Variants in DAB1 observed in about 807,000 individuals in gnomAD.
The protein encoded by DAB1 is disabled homolog 1.
Under a neutral mutation model 64.6 loss-of-function variants are expected in DAB1, and 15 were observed. That is an observed-to-expected ratio of 0.23 (90% CI 0.16 to 0.36). DAB1 has a LOEUF of 0.36. DAB1 is among the 10% of genes least tolerant of loss of function. DAB1 has a pLI of 1.00. For missense variants in DAB1, 596 were observed against 706.7 expected (o/e 0.84, Z 1.78); for synonymous variants, 235 against 251.9 (o/e 0.93, Z 0.64).
intron 4 of DAB1, among the ~76,000 whole-genome samples, chr1:58,194,177 C>T (rs1254252727): frequency 6.6e-6 from 1 of 152,136 alleles, no homozygotes; most frequent in Non-Finnish European, 1.5e-5. Flanking sequence ...AGACAGTATT[C>T]CGGTTAAGGG....
At chr1:57,878,778 C>T (rs1457399325) in intron 1 of DAB1, 1 of 152,044 alleles carries the variant, frequency 6.6e-6, no homozygotes, top group African/African-American at 2.4e-5. Context: ...CTTTTTTCTC[C>T]TATCTAGCTG....
chr1:58,384,341 T>A (rs112086589), intron 3 of DAB1, among the ~76,000 whole-genome samples: 151 of 152,326 alleles, frequency 9.9e-4, no homozygotes, highest in African/African-American at 3.6e-3. Flanking sequence ...ATAGTCATGT[T>A]GAAGTAGACG....
At chr1:58,216,726 C>G (rs1207399716) in intron 4 of DAB1, among the ~76,000 whole-genome samples, 2 of 152,200 alleles carry the variant, frequency 1.3e-5, no homozygotes, top group Non-Finnish European at 1.5e-5. Flanking sequence ...GCCATTCTAA[C>G]TGGCATGAGA....
At chr1:57,526,432 C>T (rs1480210498) in intron 7 of DAB1, among the ~76,000 whole-genome samples, 1 of 152,102 alleles carries the variant, frequency 6.6e-6, no homozygotes, top group African/African-American at 2.4e-5. Flanking sequence ...ATTGGACTTT[C>T]CAATGGAAAA....
chr1:57,104,666 C>T (rs1226307227), intron 4 of DAB1, among the ~76,000 whole-genome samples: 2 of 152,042 alleles, frequency 1.3e-5, no homozygotes, highest in East Asian at 3.9e-4. Flanking sequence ...CAAGACGGGG[C>T]TGATGACAGC....
intron 1 of DAB1, chr1:57,386,576 T>G (rs571105404): frequency 6.6e-6 from 1 of 152,182 alleles, no homozygotes; most frequent in African/African-American, 2.4e-5. Context: ...AGAGATCAAA[T>G]GGATCAACTC....
chr1:57,695,353 AAAAGAAAGAAG>A lies in DAB1; in HGVS notation n.552-45699_552-45689del, dbSNP rs1646819380. On this transcript the variant is annotated intron_variant and non_coding_transcript_variant, in intron 6 of 20. Coordinates refer to the DAB1 transcript ENST00000485760. ...GAAAGAAAGAAAGAAAGAAAGAAAG[AAAAGAAAGAAG>A]AAAGAAAGAAAGAAAGAAAGAAAGA... Among the ~76,000 whole-genome samples, 4 of 39,394 alleles carry A rather than the reference AAAAGAAAGAAG, an allele frequency of 1.0e-4. 1 individual carries two copies. Among genetic ancestry groups the A allele is most frequent in the African/African-American group, 2.4e-4 (3 of 12,572 alleles). 25.8% of individuals were successfully genotyped at this position (39,394 alleles called of 152,430 possible).
intron 5 of DAB1, among the ~76,000 whole-genome samples, chr1:57,906,937 C>CAGATAGAT (rs5774378): frequency 1.5e-3 from 218 of 146,846 alleles, no homozygotes; most frequent in Non-Finnish European, 2.2e-3. Context: ...ATATAATATG[C>CAGATAGAT]AGATAGATAG....
chr1:57,178,149 T>C (rs1014895636), intron 2 of DAB1, among the ~76,000 whole-genome samples: 15 of 152,100 alleles, frequency 9.9e-5, no homozygotes, highest in African/African-American at 3.4e-4. Flanking sequence ...GTTTGTAAGA[T>C]TAGAAATGGA....
chr1:58,243,390 G>C (rs561783977), intron 4 of DAB1, among the ~76,000 whole-genome samples: 43 of 151,996 alleles, frequency 2.8e-4, no homozygotes, highest in Non-Finnish European at 5.9e-4. Flanking sequence ...TTCTTTATTT[G>C]GTATTCATTC....
At chr1:58,244,021 G>C (rs1324893043) in intron 4 of DAB1, among the ~76,000 whole-genome samples, 1 of 152,072 alleles carries the variant, frequency 6.6e-6, no homozygotes, top group African/African-American at 2.4e-5. Flanking sequence ...GTGAAAAAAA[G>C]AGTCTAAAGA....
intron 5 of DAB1, among the ~76,000 whole-genome samples, chr1:58,005,453 G>A (rs973255615): frequency 2.0e-5 from 3 of 152,074 alleles, no homozygotes; most frequent in African/African-American, 7.2e-5. Context: ...CAAGTGTGTG[G>A]CCAGAGGACA....
chr1:57,927,731 A>G (rs575716985), intron 5 of DAB1, among the ~76,000 whole-genome samples: 1 of 152,290 alleles, frequency 6.6e-6, no homozygotes, highest in African/African-American at 2.4e-5. Context: ...CCTTAAAACA[A>G]TGCATACCTT....
At chr1:57,709,843 T>A (rs1365292485) in intron 6 of DAB1, among the ~76,000 whole-genome samples, 2 of 152,090 alleles carry the variant, frequency 1.3e-5, no homozygotes, top group Non-Finnish European at 2.9e-5. Context: ...GTACAGGTGG[T>A]GACAAAAGGG....
At chr1:57,362,881 C>T (rs1252590884) in intron 1 of DAB1, among the ~76,000 whole-genome samples, 1 of 152,192 alleles carries the variant, frequency 6.6e-6, no homozygotes, top group African/African-American at 2.4e-5. Context: ...ACCGTTAGCA[C>T]TTCCGTCACT....
intron 3 of DAB1, among the ~76,000 whole-genome samples, chr1:58,343,651 C>A (rs1446636067): frequency 6.6e-6 from 1 of 152,250 alleles, no homozygotes; most frequent in African/African-American, 2.4e-5. Flanking sequence ...AGTTAAACCA[C>A]ATTGCCAGCG....
intron 1 of DAB1, among the ~76,000 whole-genome samples, chr1:57,314,265 G>A (rs1249262093): frequency 6.6e-6 from 1 of 152,198 alleles, no homozygotes; most frequent in East Asian, 1.9e-4. Flanking sequence ...CCACCAAGGG[G>A]AAACTTTGTC....
intron 9 of DAB1, among the ~76,000 whole-genome samples, chr1:57,060,247 T>A (rs1016145548): frequency 7.3e-5 from 11 of 151,406 alleles, no homozygotes; most frequent in African/African-American, 2.4e-5. Context: ...GCCTCCAGGG[T>A]TCAAGCGATT....
chr1:57,431,207 C>A (rs1685502653), intron 7 of DAB1, among the ~76,000 whole-genome samples: 2 of 149,042 alleles, frequency 1.3e-5, no homozygotes, highest in South Asian at 4.2e-4. Flanking sequence ...AAAAGAGATT[C>A]CCCTCTGAGG....
Sources: allele counts gnomAD v4.1 joint callset (sites outside exome capture counted in the v4.1 genomes callset), GRCh38; gene constraint gnomAD v4.1.1; transcripts MANE v1.5; gene names NCBI Gene and HGNC (gene_info 2026-07-23, HGNC 2026-07-21).